The following PTPN5 variants were observed in gnomAD, a reference collection of about 807,000 sequenced individuals.
PTPN5 encodes tyrosine-protein phosphatase non-receptor type 5.
Under a neutral mutation model 73.9 loss-of-function variants are expected in PTPN5, and 29 were observed. The observed-to-expected ratio is 0.39, with a 90% CI of 0.29 to 0.54. The LOEUF is 0.54. PTPN5 is among the 20% of genes least tolerant of loss of function. PTPN5 has a pLI of 0.65. For missense variants in PTPN5, 652 were observed against 751.4 expected (o/e 0.87, Z 1.55); for synonymous variants, 267 against 304.7 (o/e 0.88, Z 1.29).
Position 18,728,220 on chromosome 11 carries a change from CA to C in PTPN5, c.*713del, listed in dbSNP as rs1436834009. ...CTCACGTAGATCTGGGCTGAGTCCC[CA>C]CCCAAACCTTGAGCTCCCCTCCCCT... On this transcript the variant is annotated 3_prime_UTR_variant, in exon 15 of 15. Coordinates refer to ENST00000358540, the MANE Select transcript of PTPN5 (RefSeq NM_006906.2). The surrounding 1 kb of genome is among the most constrained non-coding windows in gnomAD (Gnocchi z 4.1). 1 of 152,366 alleles carries C rather than the reference CA, an allele frequency of 6.6e-6. No individual in the cohort carries two copies. The highest frequency in any genetic ancestry group is 1.9e-4 in the East Asian group (1 of 5,204). 9.4% of individuals were successfully genotyped at this position (152,366 alleles called of 1,614,324 possible). A position where few individuals can be genotyped will look rare whatever the true frequency, so the allele number is the denominator to read the frequency against.
intron 12 of PTPN5, among the ~76,000 whole-genome samples, chr11:18,731,727 C>T (rs988034895): frequency 1.3e-5 from 2 of 152,182 alleles, no homozygotes; most frequent in African/African-American, 4.8e-5. Context: ...GCTCTCGACA[C>T]CCTACCTGGC....
intron 9 of PTPN5, among the ~76,000 whole-genome samples, chr11:18,735,279 T>G (rs986499026): frequency 6.6e-6 from 1 of 151,334 alleles, no homozygotes; most frequent in Non-Finnish European, 1.5e-5. Context: ...TTGGGGCAGT[T>G]CTTGTGAAGA....
At chr11:18,790,025 C>G (rs893436322) in intron 1 of PTPN5, among the ~76,000 whole-genome samples, 1 of 152,054 alleles carries the variant, frequency 6.6e-6, no homozygotes, top group African/African-American at 2.4e-5. Flanking sequence ...ACTATTCCAT[C>G]CAGTCTCCTC....
At chr11:18,756,118 T>C (rs1003295429) in intron 3 of PTPN5, among the ~76,000 whole-genome samples, 1 of 151,840 alleles carries the variant, frequency 6.6e-6, no homozygotes, top group Non-Finnish European at 1.5e-5. Context: ...AGAAGGATGC[T>C]GTATGCAAAG....
chr11:18,784,082 C>T (rs535351376), intron 1 of PTPN5, among the ~76,000 whole-genome samples: 14 of 152,240 alleles, frequency 9.2e-5, no homozygotes, highest in African/African-American at 3.1e-4. Context: ...ACTGGGCACA[C>T]AAAAATCCTT....
rs923527705 is a variant in PTPN5, at chr11:18,743,825, G to A, written c.291+181C>T. ...AGGGTGTGAGGTCTCAGATGCTGGT[G>A]CGGTAGCTCAGAATTCCAGCCTTCC... is the stretch of plus-strand genomic sequence containing the variant. On this transcript the variant is annotated intron_variant, in intron 4 of 14. Coordinates refer to ENST00000358540, the MANE Select transcript of PTPN5 (RefSeq NM_006906.2). The A allele has an allele frequency of 6.4e-5, 43 of 676,734 alleles. No homozygotes were observed. In the African/African-American group the frequency reaches 7.2e-4, roughly 11 times the overall value. The allele number at this position is 676,734 out of a possible 1,614,324, so 41.9% of individuals were successfully genotyped here. A position where few individuals can be genotyped will look rare whatever the true frequency, so the allele number is the denominator to read the frequency against.
At chr11:18,732,786 T>A (rs1051436244) in intron 11 of PTPN5, 84 bp from the exon 12 acceptor site, 4 of 1,133,690 alleles carry the variant, frequency 3.5e-6, no homozygotes, top group Non-Finnish European at 5.3e-6. Flanking sequence ...AGCGGAGAGA[T>A]ACACAAGGGC....
intron 3 of PTPN5, among the ~76,000 whole-genome samples, chr11:18,759,189 T>C (rs1386896503): frequency 6.6e-6 from 1 of 152,182 alleles, no homozygotes; most frequent in Non-Finnish European, 1.5e-5. Context: ...AAAGGTTTTT[T>C]TTCTGTTCAC....
In PTPN5 at chr11:18,765,890, C is replaced by G. The variant is rs1850624323; in HGVS notation, c.21-7G>C. On this transcript the variant is annotated splice_region_variant and splice_polypyrimidine_tract_variant and intron_variant, in intron 2 of 14. Coordinates refer to ENST00000358540, the MANE Select transcript of PTPN5 (RefSeq NM_006906.2). ...GTGGTTCTCTCTCTCACTCCTGCAG[C>G]AGGATGGAAAAGGTAAGAATATGCT... The G allele has an allele frequency of 6.4e-7, 1 of 1,565,046 alleles. No individual in the cohort carries two copies. Among genetic ancestry groups the G allele is most frequent in the South Asian group, 1.2e-5 (1 of 85,078 alleles).
chr11:18,739,499 A>C (rs911208293), intron 8 of PTPN5, among the ~76,000 whole-genome samples: 1 of 152,202 alleles, frequency 6.6e-6, no homozygotes, highest in African/African-American at 2.4e-5. Flanking sequence ...AGGCTGGAAA[A>C]GGAGGCTGGG....
Position 18,728,804 on chromosome 11 carries a change from G to A in PTPN5, c.*130C>T. 1 of 800,010 alleles carries A rather than the reference G, an allele frequency of 1.2e-6. No homozygotes were observed. The highest frequency in any genetic ancestry group is 1.7e-5 in the South Asian group (1 of 57,824). 49.6% of individuals were successfully genotyped at this position (800,010 alleles called of 1,614,324 possible). A position where few individuals can be genotyped will look rare whatever the true frequency, so the allele number is the denominator to read the frequency against. On this transcript the variant is annotated 3_prime_UTR_variant, in exon 15 of 15. Transcript: ENST00000358540. This position sits in a 1 kb window ranked among gnomAD's most constrained non-coding sequence, Gnocchi z 4.1. The stretch of plus-strand genomic sequence containing the variant: ...TGGAGGGTAGGGGTCAGGCCAGGCT[G>A]ACAGAGGACAGAGGGAGCTGACTGA...
intron 9 of PTPN5, among the ~76,000 whole-genome samples, chr11:18,736,446 C>G (rs1207263321): frequency 6.6e-6 from 1 of 152,250 alleles, no homozygotes; most frequent in African/African-American, 2.4e-5. Flanking sequence ...ATGGACCTCT[C>G]TCCCCCGCTA....
intron 2 of PTPN5, among the ~76,000 whole-genome samples, chr11:18,766,762 G>A (rs147121140): frequency 1.5e-3 from 225 of 152,302 alleles, no homozygotes; most frequent in South Asian, 3.5e-3. Flanking sequence ...GAAATGCAGC[G>A]TGGGCTCCAG....
chr11:18,748,127 C>G (rs1273727751), intron 3 of PTPN5, among the ~76,000 whole-genome samples: 1 of 152,048 alleles, frequency 6.6e-6, no homozygotes, highest in East Asian at 1.9e-4. Context: ...TATCAAGAAG[C>G]CTAGTCAGGA....
rs1457774607 is a variant in PTPN5 at position 18,742,009 on chromosome 11, T to C, written c.725+253A>G. 6.6e-6 allele frequency among the ~76,000 whole-genome samples: 1 copy of C among 152,228 alleles called. No homozygotes were observed. Among genetic ancestry groups the C allele is most frequent in the East Asian group, 1.9e-4 (1 of 5,206 alleles). ...TGCAGCAAAGAAAACCACCCAAACT[T>C]ACTTGAGCATGGGAGAGTGTGTGTG... On this transcript the variant is annotated intron_variant, in intron 7 of 14. Coordinates refer to ENST00000358540, the MANE Select transcript of PTPN5 (RefSeq NM_006906.2). This position sits in a 1 kb window ranked among gnomAD's most constrained non-coding sequence, Gnocchi z 4.1.
rs750254395 is a variant in PTPN5, at chr11:18,733,310, G to C, written c.1143C>G (p.Ala381=). Reference sequence around the variant, plus strand: ...CCTGCCACACCATGCGCCAGAAGTCGGCGACCGTGCTGACGATGGGTCCCT... The same window carrying C: ...CCTGCCACACCATGCGCCAGAAGTCCGCGACCGTGCTGACGATGGGTCCCT... ...ATQGPIVSTV[A]DFWRMVWQEH... is the part of the protein sequence containing the mutation. The change falls in exon 11 of 15, where the codon GCC becomes GCG. Residue 381 remains alanine (A), a synonymous_variant. Coordinates refer to ENST00000358540, the MANE Select transcript of PTPN5 (RefSeq NM_006906.2). This position sits in a 1 kb window ranked among gnomAD's most constrained non-coding sequence, Gnocchi z 4.3. 10 of 1,614,124 alleles carry C rather than the reference G, an allele frequency of 6.2e-6. No homozygotes were observed. In the South Asian group the frequency reaches 9.9e-5, roughly 16 times the overall value.
chr11:18,750,112 T>G (rs924609729), intron 3 of PTPN5, among the ~76,000 whole-genome samples: 15 of 152,208 alleles, frequency 9.9e-5, no homozygotes, highest in Non-Finnish European at 1.9e-4. Flanking sequence ...GGAAGTGGCT[T>G]GCCCCAGGTC....
chr11:18,751,873 C>A (rs939826404), intron 3 of PTPN5, among the ~76,000 whole-genome samples: 1 of 152,186 alleles, frequency 6.6e-6, no homozygotes, highest in Non-Finnish European at 1.5e-5. Context: ...CCCTCTCTGG[C>A]TGATTGCCCT....
At chr11:18,786,877 T>C (rs537606335) in intron 1 of PTPN5, among the ~76,000 whole-genome samples, 6 of 152,308 alleles carry the variant, frequency 3.9e-5, no homozygotes, top group African/African-American at 1.4e-4. Flanking sequence ...ATCTGTCAGT[T>C]TACTGGAGAT....
Sources: allele counts gnomAD v4.1 joint callset (sites outside exome capture counted in the v4.1 genomes callset), GRCh38; gene constraint gnomAD v4.1.1; non-coding constraint Gnocchi (gnomAD v3.1); transcripts MANE v1.5; gene names NCBI Gene and HGNC (gene_info 2026-07-23, HGNC 2026-07-21).